GALNT14: variants seen among roughly 807,000 people sequenced by gnomAD.
The protein encoded by GALNT14 is polypeptide N-acetylgalactosaminyltransferase 14, also known as UDP-GalNAc:polypeptide N-acetylgalactosaminyltransferase 14.
Under a neutral mutation model 77.5 loss-of-function variants are expected in GALNT14, and 60 were observed. The ratio of observed to expected loss-of-function variants is 0.77; its 90% CI spans 0.63 to 0.96. The LOEUF (loss-of-function observed/expected upper bound fraction) is 0.96. Ranked by LOEUF, GALNT14 falls within the 40% of genes least tolerant of loss-of-function variation. GALNT14 has a pLI of 0.00. For synonymous variants in GALNT14, 280 were observed against 281.7 expected, an observed-to-expected ratio of 0.99 and a Z score of 0.06; for missense variants, 710 against 731.0, an observed-to-expected ratio of 0.97 and a Z score of 0.33.
chr2:30,985,428 G>C (rs1328171026), intron 2 of GALNT14, among the ~76,000 whole-genome samples: 1 of 152,072 alleles, frequency 6.6e-6, no homozygotes, highest in East Asian at 1.9e-4. Context: ...TCCTGACCCA[G>C]AGGCCCTTGC....
At chr2:30,950,331 A>G (rs1666953414) in intron 6 of GALNT14, among the ~76,000 whole-genome samples, 1 of 152,166 alleles carries the variant, frequency 6.6e-6, no homozygotes, top group Admixed American at 6.5e-5. Flanking sequence ...ATGTAATTGA[A>G]AGGAAAAGAA....
intron 9 of GALNT14, among the ~76,000 whole-genome samples, chr2:30,936,741 A>G (rs569721372): frequency 1.3e-5 from 2 of 152,316 alleles, no homozygotes; most frequent in East Asian, 1.9e-4. Flanking sequence ...ATCGCCTTGA[A>G]TCTGTGAGCA....
At chr2:30,918,314 C>T (rs1664810525) in intron 13 of GALNT14, among the ~76,000 whole-genome samples, 2 of 152,234 alleles carry the variant, frequency 1.3e-5, no homozygotes, top group African/African-American at 4.8e-5. Flanking sequence ...GCCTATTAAC[C>T]TGTGAATTTG....
chr2:31,084,356 G>A (rs749709), intron 1 of GALNT14, among the ~76,000 whole-genome samples: 80,801 of 152,038 alleles, frequency 0.53, 22,293 homozygotes, highest in African/African-American at 0.68. Context: ...GTCAGGACAG[G>A]TACTGGGAAC....
chr2:31,067,056 C>T (rs1022807861), intron 1 of GALNT14, among the ~76,000 whole-genome samples: 4 of 152,174 alleles, frequency 2.6e-5, no homozygotes, highest in Non-Finnish European at 5.9e-5. Context: ...CTTTTCCTTC[C>T]CCCAGCAGTC....
At chr2:31,122,354 G>A (rs1178860502) in intron 1 of GALNT14, among the ~76,000 whole-genome samples, 1 of 152,254 alleles carries the variant, frequency 6.6e-6, no homozygotes, top group Non-Finnish European at 1.5e-5. Context: ...GAAGCCGTGA[G>A]TAGAGGAATC....
the GALNT14 span, among the ~76,000 whole-genome samples, chr2:30,894,147 G>T: frequency 6.6e-6 from 1 of 152,192 alleles, no homozygotes; most frequent in African/African-American, 2.4e-5. Context: ...ATAAGTTATT[G>T]CACTTCTCTG....
rs1026034125 is a variant in GALNT14 at position 31,003,616 on chromosome 2, C to T, written c.130-10609G>A. ...CATCTCTCTCCTCCCCACCACTTCG[C>T]CCATAAACACTCTCCCCACCCATGT... On this transcript the variant is annotated intron_variant, in intron 1 of 14. Transcript: ENST00000349752. 5.3e-5 allele frequency among the ~76,000 whole-genome samples: 8 copies of T among 152,286 alleles called. No homozygotes were observed. In the South Asian group the frequency reaches 6.2e-4, roughly 12 times the overall value.
At chr2:31,073,487 G>C (rs111675525) in intron 1 of GALNT14, among the ~76,000 whole-genome samples, 24 of 30,842 alleles carry the variant, frequency 7.8e-4, no homozygotes, top group African/African-American at 1.8e-3. Flanking sequence ...GAATAAAGAG[G>C]GGGGGGGAAC....
chr2:30,993,898 G>A (rs763718203), intron 1 of GALNT14, among the ~76,000 whole-genome samples: 9 of 152,170 alleles, frequency 5.9e-5, no homozygotes, highest in Non-Finnish European at 8.8e-5. Flanking sequence ...GCTGCCTAGT[G>A]TGGGTCTGCC....
chr2:31,036,515 T>C (rs1215103377), intron 1 of GALNT14, among the ~76,000 whole-genome samples: 2 of 152,220 alleles, frequency 1.3e-5, no homozygotes, highest in African/African-American at 4.8e-5. Flanking sequence ...TGGCTGTCTT[T>C]TAAGTTAGAT....
chr2:30,892,229 A>G, the GALNT14 span, among the ~76,000 whole-genome samples: 1 of 152,352 alleles, frequency 6.6e-6, no homozygotes, highest in South Asian at 2.1e-4. Context: ...AAACAAATCC[A>G]AAGAAAATGA....
chr2:30,949,935 G>A (rs10209824), intron 6 of GALNT14, among the ~76,000 whole-genome samples: 2 of 152,150 alleles, frequency 1.3e-5, no homozygotes. Flanking sequence ...TGACATTGTG[G>A]GGAAAGACAA....
chr2:31,036,126 T>C (rs2148489598), intron 1 of GALNT14, among the ~76,000 whole-genome samples: 1 of 152,366 alleles, frequency 6.6e-6, no homozygotes, highest in Middle Eastern at 3.4e-3. Context: ...ATTCCATTTA[T>C]ATTCAATGTA....
the GALNT14 span, among the ~76,000 whole-genome samples, chr2:30,891,283 T>C: frequency 1.4e-4 from 22 of 152,236 alleles, no homozygotes; most frequent in Non-Finnish European, 1.8e-4. Flanking sequence ...TCAGAAGAGA[T>C]TACGGGCTTT....
chr2:31,011,227 T>C (rs1671011519), intron 1 of GALNT14, among the ~76,000 whole-genome samples: 1 of 152,252 alleles, frequency 6.6e-6, no homozygotes, highest in African/African-American at 2.4e-5. Context: ...GATGCCATTT[T>C]ACGGATCTAA....
chr2:30,919,151 C>T (rs1322878756), intron 13 of GALNT14, among the ~76,000 whole-genome samples: 1 of 152,162 alleles, frequency 6.6e-6, no homozygotes, highest in Non-Finnish European at 1.5e-5. Flanking sequence ...ATTCTTTCTA[C>T]CTTTCACAAA....
chr2:31,005,309 C>T (rs557659385), intron 1 of GALNT14, among the ~76,000 whole-genome samples: 8 of 152,140 alleles, frequency 5.3e-5, no homozygotes, highest in Admixed American at 1.3e-4. Flanking sequence ...AAAAGGGAAG[C>T]GCAGCCCCAG....
chr2:30,970,061 T>G (rs1183719581), intron 2 of GALNT14, among the ~76,000 whole-genome samples: 1 of 152,202 alleles, frequency 6.6e-6, no homozygotes, highest in East Asian at 1.9e-4. Flanking sequence ...GATTACATAG[T>G]GCCACGTTAG....
Sources: gnomAD v4.1 joint callset for allele counts (sites outside exome capture counted in the v4.1 genomes callset) on GRCh38, gnomAD v4.1.1 for gene constraint, MANE v1.5 for transcripts, NCBI Gene and HGNC (gene_info 2026-07-23, HGNC 2026-07-21) for gene names.